CFAP99: variants seen among roughly 807,000 people sequenced by gnomAD.
The protein encoded by CFAP99 is cilia and flagella associated protein 99.
CFAP99 carries 84 observed loss-of-function variants against 82.7 expected under a neutral mutation model. The ratio of observed to expected loss-of-function variants is 1.02; its 90% CI spans 0.85 to 1.22. The LOEUF is 1.22. Among genes scored for constraint, CFAP99 ranks in the 50% most tolerant of loss-of-function variants. The pLI is 0.00. For synonymous variants in CFAP99, 456 were observed against 429.5 expected, an observed-to-expected ratio of 1.06 and a Z score of -0.76; for missense variants, 1,059 against 983.5, an observed-to-expected ratio of 1.08 and a Z score of -1.03.
intron 8 of CFAP99, chr4:2,450,250 A>G: frequency 1.8e-6 from 1 of 560,086 alleles, no homozygotes; most frequent in Middle Eastern, 3.9e-4. Flanking sequence ...AAGCACCTGC[A>G]GGTGCTGCCT....
intron 2 of CFAP99, among the ~76,000 whole-genome samples, chr4:2,431,744 AT>A (rs56016628): frequency 0.49 from 72,506 of 147,940 alleles, 17,807 homozygotes; most frequent in East Asian, 0.65. Context: ...TCACTTTATT[AT>A]TTTTTTTTTT....
intron 2 of CFAP99, among the ~76,000 whole-genome samples, chr4:2,430,674 G>A (rs57650930): frequency 0.13 from 19,019 of 152,078 alleles, 1,246 homozygotes; most frequent in Non-Finnish European, 0.15. Context: ...ATGGTGGCAC[G>A]TACCTAGTCC....
exon 8 of CFAP99, chr4:2,450,001 T>C (rs1035835174): frequency 5.2e-6 from 8 of 1,535,888 alleles, no homozygotes; most frequent in Admixed American, 2.0e-5. Flanking sequence ...AGGGAGCGAG[T>C]GCAGGTACCG....
At chr4:2,447,933 A>G (rs143345646) in intron 6 of CFAP99, among the ~76,000 whole-genome samples, 17 of 7,636 alleles carry the variant, frequency 2.2e-3, no homozygotes, top group Middle Eastern at 0.045. Flanking sequence ...GGATGGGTGG[A>G]TGGATGGATG....
intron 2 of CFAP99, 193 bp downstream of exon 2, chr4:2,426,779 G>A (rs992239785): frequency 1.7e-6 from 1 of 577,824 alleles, no homozygotes. Flanking sequence ...TGTCAGGCCA[G>A]GCTCTGGTGA....
chr4:2,447,540 G>T (rs757775166), intron 6 of CFAP99, among the ~76,000 whole-genome samples: 4 of 151,928 alleles, frequency 2.6e-5, no homozygotes, highest in Non-Finnish European at 2.9e-5. Context: ...TGGATAGATG[G>T]ATGAACAGAT....
chr4:2,421,350 C>CTTTTTTTTTTTT (rs10632358), intron 1 of CFAP99, among the ~76,000 whole-genome samples: 4 of 96,982 alleles, frequency 4.1e-5, no homozygotes, highest in Non-Finnish European at 3.8e-5. Flanking sequence ...TCTGCCCACC[C>CTTTTTTTTTTTT]TTTTTTTTTT....
At chr4:2,456,772 G>T (rs1734446525) in intron 11 of CFAP99, among the ~76,000 whole-genome samples, 1 of 151,428 alleles carries the variant, frequency 6.6e-6, no homozygotes, top group Admixed American at 6.6e-5. Context: ...GCCTGCCTCG[G>T]CCTCCCAAAG....
chr4:2,424,578 T>C (rs12502861), intron 1 of CFAP99, among the ~76,000 whole-genome samples: 4,011 of 152,328 alleles, frequency 0.026, 259 homozygotes, highest in Admixed American at 0.15. Context: ...CCTCTTTCCC[T>C]AACTGTGCAG....
At chr4:2,451,700 C>T (rs1560387582) in intron 10 of CFAP99, among the ~76,000 whole-genome samples, 2 of 145,034 alleles carry the variant, frequency 1.4e-5, no homozygotes, top group Non-Finnish European at 3.0e-5. Context: ...TTACCCCATG[C>T]GGTGTGGTCG....
intron 1 of CFAP99, among the ~76,000 whole-genome samples, chr4:2,421,879 C>T (rs116982691): frequency 1.1e-4 from 11 of 101,540 alleles, no homozygotes; most frequent in Admixed American, 9.4e-4. Context: ...CCTGTCTCTA[C>T]AAAAAAAAAA....
chr4:2,431,267 G>A (rs1445722859), intron 2 of CFAP99, among the ~76,000 whole-genome samples: 1 of 151,980 alleles, frequency 6.6e-6, no homozygotes, highest in Non-Finnish European at 1.5e-5. Context: ...TACTCGGGAG[G>A]CTGAGGTAGG....
At chr4:2,438,356 G>A (rs771484242) in intron 4 of CFAP99, among the ~76,000 whole-genome samples, 192 bp downstream of exon 4, 5 of 152,134 alleles carry the variant, frequency 3.3e-5, no homozygotes, top group Admixed American at 6.5e-5. Context: ...TCTGCCTCCC[G>A]GGTTCATACC....
At position 2,462,848 on chromosome 4, in the gene CFAP99, G is replaced by T; in HGVS notation, c.2067G>T (p.Arg689=). The change falls in exon 15 of 15, where the codon CGG becomes CGT. Residue 689 remains arginine, a synonymous_variant. Coordinates refer to ENST00000635017, the Ensembl canonical transcript of CFAP99. The surrounding 1 kb of genome is among the most constrained non-coding windows in gnomAD (Gnocchi z 4.1). ...CGCAGCACTGGCTGGAGCTGGAGCG[G>T]AGCCGCGAGCGCAGGCTGCAGGCGC... The T allele has an allele frequency of 7.2e-7, 1 of 1,393,158 alleles. No individual in the cohort carries two copies. The highest frequency in any genetic ancestry group is 9.3e-7 in the Non-Finnish European group (1 of 1,073,318). 86.3% of individuals were successfully genotyped at this position (1,393,158 alleles called of 1,614,324 possible). A position where few individuals can be genotyped will look rare whatever the true frequency, so the allele number is the denominator to read the frequency against.
At chr4:2,450,714 AG>A (rs1021560474) in intron 8 of CFAP99, among the ~76,000 whole-genome samples, 2 of 152,200 alleles carry the variant, frequency 1.3e-5, no homozygotes, top group African/African-American at 2.4e-5. Flanking sequence ...CCAGGCCCAC[AG>A]GCCCTGCACC....
At position 2,446,195 on chromosome 4, in the gene CFAP99, T is replaced by A. The variant is rs1173096154; in HGVS notation, c.642+887T>A. The stretch of plus-strand genomic sequence containing the variant: ...AGGCTTTTCATGAACCCCTCAAATA[T>A]GTCAGGTCCTTCACTTAGTTTACTT... On this transcript the variant is annotated intron_variant, in intron 6 of 14. Transcript: ENST00000635017. The surrounding 1 kb of genome is among the most constrained non-coding windows in gnomAD (Gnocchi z 5.0). 6.6e-6 allele frequency among the ~76,000 whole-genome samples: 1 copy of A among 152,174 alleles called. No individual in the cohort carries two copies. The highest frequency in any genetic ancestry group is 1.5e-5 in the Non-Finnish European group (1 of 68,040).
At chr4:2,440,734 A>C (rs969293652) in intron 4 of CFAP99, among the ~76,000 whole-genome samples, 2 of 151,644 alleles carry the variant, frequency 1.3e-5, no homozygotes, top group African/African-American at 4.8e-5. Context: ...CTGGGACTAC[A>C]GGCGCCCGCC....
chr4:2,452,847 G>A (rs1734336866), intron 11 of CFAP99, among the ~76,000 whole-genome samples: 1 of 152,202 alleles, frequency 6.6e-6, no homozygotes, highest in Non-Finnish European at 1.5e-5. Context: ...AAGATCACTT[G>A]AGCCTAGGAG....
Position 2,459,358 on chromosome 4 carries a change from G to A in CFAP99, c.1455+100G>A, listed in dbSNP as rs1342983708. On this transcript the variant is annotated intron_variant, in intron 13 of 14. Transcript: ENST00000635017. ...GGGTTCCCACCAGAGCCACAGGTGG[G>A]TCTTGCACCACCTGAAACCTGGCCC... 19 of 1,343,648 alleles carry A rather than the reference G, an allele frequency of 1.4e-5. No individual in the cohort carries two copies. In the East Asian group the frequency reaches 3.8e-4, roughly 27 times the overall value. 83.2% of individuals were successfully genotyped at this position (1,343,648 alleles called of 1,614,324 possible).
Sources: gnomAD v4.1 joint callset for allele counts (sites outside exome capture counted in the v4.1 genomes callset) on GRCh38, gnomAD v4.1.1 for gene constraint, Gnocchi (gnomAD v3.1) non-coding constraint, MANE v1.5 for transcripts, NCBI Gene and HGNC (gene_info 2026-07-23, HGNC 2026-07-21) for gene names.